The following HIVEP3 variants were observed in gnomAD, a reference collection of about 807,000 sequenced individuals.
HIVEP3 encodes HIVEP zinc finger 3.
A neutral mutation model predicts 152.8 loss-of-function variants in HIVEP3; 49 were observed. The ratio of observed to expected loss-of-function variants is 0.32; its 90% CI spans 0.26 to 0.41. HIVEP3 has a LOEUF of 0.41. HIVEP3 is among the 10% of genes least tolerant of loss of function. The pLI is 1.00. For synonymous variants in HIVEP3, 1,269 were observed against 1,289.0 expected, an observed-to-expected ratio of 0.98 and a Z score of 0.33; for missense variants, 2,790 against 3,103.3, an observed-to-expected ratio of 0.90 and a Z score of 2.40.
chr1:41,524,876 C>G lies in HIVEP3; in HGVS notation c.5242G>C (p.Gly1748Arg). ...CAAACATATTTCCCTCGGCCGCGGCCTCGCACATATACATACTCTTCGTTT... is the reference window on the plus strand; with the variant it reads ...CAAACATATTTCCCTCGGCCGCGGCGTCGCACATATACATACTCTTCGTTT... The part of the protein sequence containing the change: ...KSNEEYVYVR[G>R]RGRGKYVCEE... The change falls in exon 6 of 9, where the codon GGC becomes CGC. Residue 1748 changes from glycine (G) to arginine (R), a missense_variant. This residue lies in a region of HIVEP3 where 57 missense variants were observed against 95.1 expected (regional missense o/e 0.60). Coordinates refer to ENST00000372583, the MANE Select transcript of HIVEP3 (RefSeq NM_024503.5). 1 of 1,614,168 alleles carries G rather than the reference C, an allele frequency of 6.2e-7. No individual in the cohort carries two copies. Among genetic ancestry groups the G allele is most frequent in the Non-Finnish European group, 8.5e-7 (1 of 1,180,008 alleles).
chr1:41,706,975 G>GA (rs1490655424), intron 1 of HIVEP3, among the ~76,000 whole-genome samples: 7 of 152,138 alleles, frequency 4.6e-5, no homozygotes, highest in Non-Finnish European at 7.4e-5. Flanking sequence ...GAATCTTCTA[G>GA]AAAAAAGCAT....
intron 6 of HIVEP3, among the ~76,000 whole-genome samples, chr1:41,522,125 G>T: frequency 6.6e-6 from 1 of 152,198 alleles, no homozygotes; most frequent in Admixed American, 6.5e-5. Flanking sequence ...AGGGCTGCCT[G>T]GGGCAGGCCT....
intron 1 of HIVEP3, among the ~76,000 whole-genome samples, chr1:41,760,291 G>A (rs1647585109): frequency 6.6e-6 from 1 of 152,218 alleles, no homozygotes; most frequent in African/African-American, 2.4e-5. Context: ...CTTAGCTACT[G>A]CTAGAAAATG....
At chr1:41,641,962 G>T (rs955176273) in intron 2 of HIVEP3, among the ~76,000 whole-genome samples, 1 of 152,230 alleles carries the variant, frequency 6.6e-6, no homozygotes, top group Non-Finnish European at 1.5e-5. Flanking sequence ...TTTGTAAAGT[G>T]GGAATGACAG....
At chr1:41,978,329 C>T (rs1479620933) in intron 1 of HIVEP3, among the ~76,000 whole-genome samples, 5 of 152,106 alleles carry the variant, frequency 3.3e-5, no homozygotes, top group Non-Finnish European at 4.4e-5. Flanking sequence ...CCCTAAGCCC[C>T]GATATGACTG....
intron 1 of HIVEP3, among the ~76,000 whole-genome samples, chr1:41,858,833 C>T (rs1276727383): frequency 6.6e-6 from 1 of 152,166 alleles, no homozygotes; most frequent in Non-Finnish European, 1.5e-5. Flanking sequence ...CCTCTGTGAC[C>T]TGCATGAGGA....
In HIVEP3 at chr1:41,510,719, G is replaced by A. The variant is rs377446966; in HGVS notation, c.6953C>T (p.Pro2318Leu). The A allele has an allele frequency of 3.8e-5, 58 of 1,536,402 alleles. No individual in the cohort carries two copies. The highest frequency in any genetic ancestry group is 1.8e-4 in the Middle Eastern group (1 of 5,524). The change falls in exon 9 of 9, where the codon CCG becomes CTG. Residue 2318 changes from proline (P) to leucine (L), a missense_variant. Physicochemically the swap from Pro to Leu is moderately conservative, Grantham distance 98. Coordinates refer to ENST00000372583, the MANE Select transcript of HIVEP3 (RefSeq NM_024503.5). ...CTGCGCTGCCCGGCGTCCCTGGGGC[G>A]GCCGGGGCAAGGTGTCGGGTGGGGT... ...PCTPPDTLPR[P>L]PQGRRAAQSW...
At position 41,853,102 on chromosome 1, in the gene HIVEP3, A is replaced by G. The variant is rs1043833590; in HGVS notation, c.-801+65311T>C. ...GAGCAGGCTGGAGGAGGTCTTCTTC[A>G]AGAAAACAGAGACTGGCCCAGCTCT... On this transcript the variant is annotated intron_variant, in intron 1 of 8. Transcript: ENST00000372583. Among the ~76,000 whole-genome samples the G allele has an allele frequency of 1.6e-4, 24 of 152,332 alleles. No individual in the cohort carries two copies. The East Asian group carries it at 2.3e-3, about 15-fold the overall frequency.
At chr1:41,999,956 A>T (rs1338064765) in intron 1 of HIVEP3, among the ~76,000 whole-genome samples, 2 of 152,026 alleles carry the variant, frequency 1.3e-5, no homozygotes, top group Non-Finnish European at 2.9e-5. Context: ...GTTATTAAAT[A>T]TGTCCAGACT....
intron 1 of HIVEP3, among the ~76,000 whole-genome samples, chr1:41,724,675 T>C (rs977384895): frequency 3.9e-5 from 6 of 152,298 alleles, no homozygotes; most frequent in Middle Eastern, 3.4e-3. Context: ...TGCATTAAGA[T>C]GCTGATACCA....
At position 41,562,904 on chromosome 1, in the gene HIVEP3, C is replaced by G. The variant is rs74069922; in HGVS notation, c.5207+12640G>C. ...AAGTCTTGTTAGAAGCTGTCAGACT[C>G]CCATCCCCGCCCCAACTCCAGCAGC... On this transcript the variant is annotated intron_variant, in intron 5 of 8. Transcript: ENST00000372583. Among the ~76,000 whole-genome samples, 178 of 152,114 alleles carry G rather than the reference C, an allele frequency of 1.2e-3. 1 individual carries two copies. The highest frequency in any genetic ancestry group is 3.8e-3 in the African/African-American group (157 of 41,476).
At chr1:41,774,557 T>A (rs1488288357) in intron 1 of HIVEP3, among the ~76,000 whole-genome samples, 2 of 152,176 alleles carry the variant, frequency 1.3e-5, no homozygotes, top group Non-Finnish European at 2.9e-5. Flanking sequence ...TTGTAATCAA[T>A]AAATCCTGGG....
intron 5 of HIVEP3, among the ~76,000 whole-genome samples, chr1:41,568,537 T>A (rs1312592982): frequency 3.9e-5 from 6 of 152,152 alleles, no homozygotes; most frequent in Admixed American, 3.9e-4. Context: ...ATCACTCTTG[T>A]TGGGCTGAGA....
At chr1:41,915,323 C>T (rs138614311) in intron 1 of HIVEP3, among the ~76,000 whole-genome samples, 3 of 152,210 alleles carry the variant, frequency 2.0e-5, no homozygotes, top group African/African-American at 2.4e-5. Flanking sequence ...ATTAAATGCT[C>T]ATATCAGCTT....
chr1:41,645,819 C>T (rs1442075380), intron 2 of HIVEP3, among the ~76,000 whole-genome samples: 3 of 152,230 alleles, frequency 2.0e-5, no homozygotes, highest in Admixed American at 6.5e-5. Flanking sequence ...CTGAAGGTGA[C>T]AGGCCTCTGT....
intron 2 of HIVEP3, among the ~76,000 whole-genome samples, chr1:41,642,288 A>G (rs1187185163): frequency 6.6e-6 from 1 of 152,232 alleles, no homozygotes; most frequent in East Asian, 1.9e-4. Context: ...TCTGCACTTT[A>G]CAAATATGCC....
At chr1:41,615,170 T>A (rs1407779213) in intron 3 of HIVEP3, among the ~76,000 whole-genome samples, 1 of 152,252 alleles carries the variant, frequency 6.6e-6, no homozygotes, top group Admixed American at 6.5e-5. Flanking sequence ...GTTTAAAGGT[T>A]ACTTCTTCCT....
chr1:41,887,328 T>G (rs1442181721), intron 1 of HIVEP3, among the ~76,000 whole-genome samples: 1 of 152,280 alleles, frequency 6.6e-6, no homozygotes, highest in African/African-American at 2.4e-5. Flanking sequence ...TATTTTCTTA[T>G]TCTAAATAAA....
chr1:41,871,564 T>C (rs531075781), intron 1 of HIVEP3, among the ~76,000 whole-genome samples: 1 of 152,320 alleles, frequency 6.6e-6, no homozygotes, highest in African/African-American at 2.4e-5. Flanking sequence ...AAGTGAACAA[T>C]GAAAATGTAG....
Sources: gnomAD v4.1 joint callset for allele counts (sites outside exome capture counted in the v4.1 genomes callset) on GRCh38, gnomAD v4.1.1 for gene constraint, gnomAD v4.1.1 regional missense constraint, MANE v1.5 for transcripts, NCBI Gene and HGNC (gene_info 2026-07-23, HGNC 2026-07-21) for gene names.